MYRIP: variants seen among roughly 807,000 people sequenced by gnomAD.
The protein encoded by MYRIP is myosin VIIA and Rab interacting protein.
MYRIP carries 49 observed loss-of-function variants against 98.0 expected under a neutral mutation model. The observed-to-expected ratio is 0.50, with a 90% CI of 0.40 to 0.63. The LOEUF (loss-of-function observed/expected upper bound fraction) is 0.63. Among genes scored for constraint, MYRIP ranks in the 30% least tolerant of loss-of-function variants. MYRIP has a pLI of 0.00. For missense variants in MYRIP, 1,004 were observed against 1,058.2 expected (o/e 0.95, Z 0.71); for synonymous variants, 404 against 409.5 (o/e 0.99, Z 0.16).
intron 2 of MYRIP, among the ~76,000 whole-genome samples, chr3:39,901,449 G>C (rs114639612): frequency 2.0e-5 from 3 of 152,276 alleles, no homozygotes; most frequent in Non-Finnish European, 4.4e-5. Flanking sequence ...ACTGAAGCCT[G>C]AAGAGGTAGT....
At chr3:40,141,306 G>GT (rs1385734165) in intron 3 of MYRIP, among the ~76,000 whole-genome samples, 5 of 151,982 alleles carry the variant, frequency 3.3e-5, no homozygotes, top group Non-Finnish European at 5.9e-5. Flanking sequence ...TGGATTGTTT[G>GT]TTTTTTTGCT....
At chr3:40,203,118 G>C (rs886398832) in intron 10 of MYRIP, among the ~76,000 whole-genome samples, 1 of 151,760 alleles carries the variant, frequency 6.6e-6, no homozygotes, top group Admixed American at 6.6e-5. Flanking sequence ...TTTTAGTAAA[G>C]ACAGGGTTTC....
intron 11 of MYRIP, among the ~76,000 whole-genome samples, chr3:40,225,792 G>A (rs1031211247): frequency 1.3e-5 from 2 of 152,070 alleles, no homozygotes; most frequent in South Asian, 2.1e-4. Context: ...AGAGTCTCTC[G>A]CGAACAACAT....
chr3:40,095,791 C>G (rs1486929161), intron 3 of MYRIP, among the ~76,000 whole-genome samples: 3 of 151,842 alleles, frequency 2.0e-5, no homozygotes, highest in Non-Finnish European at 4.4e-5. Flanking sequence ...AGTATGCTGT[C>G]ACACACATCT....
intron 2 of MYRIP, among the ~76,000 whole-genome samples, chr3:39,938,545 T>A (rs1031723435): frequency 6.6e-6 from 1 of 152,190 alleles, no homozygotes; most frequent in South Asian, 2.1e-4. Flanking sequence ...TATTGCCAAA[T>A]AGTTTTCCTA....
intron 1 of MYRIP, among the ~76,000 whole-genome samples, chr3:39,895,515 A>G (rs1477793499): frequency 8.2e-6 from 1 of 122,360 alleles, no homozygotes; most frequent in East Asian, 2.2e-4. Flanking sequence ...AATTTTATCC[A>G]TATATATATT....
In MYRIP at chr3:39,815,656, T is replaced by C. The variant is rs116726776; in HGVS notation, c.-31+5740T>C. Reference sequence around the variant, plus strand: ...AAGCCATAGGTACTACAAGTAATGGTGGTTTTGTTTCTTCTGTTTTAAAAC... The same window carrying C: ...AAGCCATAGGTACTACAAGTAATGGCGGTTTTGTTTCTTCTGTTTTAAAAC... On this transcript the variant is annotated intron_variant, in intron 1 of 16. Transcript: ENST00000302541. Among the ~76,000 whole-genome samples, 1,484 of 152,304 alleles carry C rather than the reference T, an allele frequency of 9.7e-3. 17 individuals are homozygous for C. The highest frequency in any genetic ancestry group is 0.034 in the African/African-American group (1,408 of 41,564).
rs955109414 is a variant in MYRIP, at chr3:40,202,918, T to C, written c.1666-6936T>C. 5.7e-3 allele frequency among the ~76,000 whole-genome samples: 861 copies of C among 150,174 alleles called. 11 individuals carry two copies. Among genetic ancestry groups the C allele is most frequent in the African/African-American group, 0.02 (796 of 40,430 alleles). On this transcript the variant is annotated intron_variant, in intron 10 of 16. Transcript: ENST00000302541. The stretch of plus-strand genomic sequence containing the variant: ...TCACCTCCATTTACTTATTTATTTA[T>C]TTATTTATTTATTTATTTATTTATT...
rs1385409652 is a variant in MYRIP, at chr3:39,917,631, A to C, written c.110+16705A>C. Reference sequence around the variant, plus strand: ...ATTCTGTAAATGACTAAGAGAGATCAGAGACTAGACCTCCTTCCCTTCAAA... The same window carrying C: ...ATTCTGTAAATGACTAAGAGAGATCCGAGACTAGACCTCCTTCCCTTCAAA... On this transcript the variant is annotated intron_variant, in intron 2 of 16. Transcript: ENST00000302541. Among the ~76,000 whole-genome samples, 7 of 152,016 alleles carry C rather than the reference A, an allele frequency of 4.6e-5. No homozygotes were observed. In the East Asian group the frequency reaches 9.7e-4, roughly 21 times the overall value.
chr3:39,967,004 A>C (rs187430355), intron 2 of MYRIP, among the ~76,000 whole-genome samples: 46 of 152,342 alleles, frequency 3.0e-4, no homozygotes, highest in Non-Finnish European at 5.1e-4. Flanking sequence ...TGAACAAGCT[A>C]TGTCATTTCT....
At chr3:39,865,203 G>A (rs1291186849) in intron 1 of MYRIP, among the ~76,000 whole-genome samples, 1 of 152,118 alleles carries the variant, frequency 6.6e-6, no homozygotes, top group Non-Finnish European at 1.5e-5. Flanking sequence ...AAAAACCTTA[G>A]ACGATAACCT....
intron 2 of MYRIP, among the ~76,000 whole-genome samples, chr3:40,024,399 T>C (rs1042161462): frequency 4.0e-5 from 6 of 151,600 alleles, no homozygotes; most frequent in African/African-American, 9.7e-5. Context: ...CTGGAGATGA[T>C]TGGGTGGTGG....
intron 3 of MYRIP, among the ~76,000 whole-genome samples, chr3:40,148,853 G>A (rs1950060966): frequency 6.6e-6 from 1 of 152,134 alleles, no homozygotes; most frequent in Non-Finnish European, 1.5e-5. Flanking sequence ...TAACCAACAT[G>A]GGCCTCCTCT....
chr3:39,975,630 G>A (rs77134749), intron 2 of MYRIP, among the ~76,000 whole-genome samples: 45,042 of 151,398 alleles, frequency 0.3, 7,036 homozygotes, highest in Non-Finnish European at 0.35. Context: ...GAGGCATCAC[G>A]CTACCTGACT....
chr3:39,992,849 A>G (rs1044873607), intron 2 of MYRIP, among the ~76,000 whole-genome samples: 1 of 152,074 alleles, frequency 6.6e-6, no homozygotes, highest in East Asian at 1.9e-4. Context: ...TCCACTTCTC[A>G]TCTTCTTGTG....
At chr3:39,917,061 G>A (rs942174359) in intron 2 of MYRIP, among the ~76,000 whole-genome samples, 17 of 151,952 alleles carry the variant, frequency 1.1e-4, no homozygotes, top group Non-Finnish European at 2.9e-5. Context: ...TTTAAGTCTT[G>A]GGAAACTTGG....
At chr3:39,952,248 T>TA (rs1945034901) in intron 2 of MYRIP, among the ~76,000 whole-genome samples, 1 of 152,220 alleles carries the variant, frequency 6.6e-6, no homozygotes, top group African/African-American at 2.4e-5. Context: ...CATTGCCACA[T>TA]AGTAGTCTAT....
chr3:39,894,144 T>C (rs1438957224), intron 1 of MYRIP, among the ~76,000 whole-genome samples: 1 of 152,262 alleles, frequency 6.6e-6, no homozygotes, highest in East Asian at 1.9e-4. Flanking sequence ...GTACTATTCA[T>C]ACTATATTAT....
intron 5 of MYRIP, chr3:40,163,035 C>G: frequency 2.3e-6 from 1 of 444,414 alleles, no homozygotes; most frequent in Non-Finnish European, 4.0e-6. Context: ...CATTCGTTAC[C>G]CAACCATGGA....
Sources: allele counts gnomAD v4.1 joint callset (sites outside exome capture counted in the v4.1 genomes callset), GRCh38; gene constraint gnomAD v4.1.1; transcripts MANE v1.5; gene names NCBI Gene and HGNC (gene_info 2026-07-23, HGNC 2026-07-21).